Variants in CDK11B observed in about 807,000 individuals in gnomAD.
CDK11B encodes the protein cyclin-dependent kinase 11B.
Under a neutral mutation model 84.0 loss-of-function variants are expected in CDK11B, and 37 were observed. That is an observed-to-expected ratio of 0.44 (90% CI 0.34 to 0.58). The LOEUF (loss-of-function observed/expected upper bound fraction) is 0.58, where lower values mean the gene tolerates loss of function less well. CDK11B is among the 20% of genes least tolerant of loss of function. The pLI is 0.02. For synonymous variants in CDK11B, 269 were observed against 309.8 expected (o/e 0.87, Z 1.38); for missense variants, 427 against 834.0 (o/e 0.51, Z 6.01).
intron 5 of CDK11B, among the ~76,000 whole-genome samples, chr1:1,648,979 TCA>T (rs1226511990): frequency 6.6e-6 from 1 of 152,066 alleles, no homozygotes; most frequent in Non-Finnish European, 1.5e-5. Flanking sequence ...CTCAATCAAA[TCA>T]CACCCGTTCT....
intron 3 of CDK11B, chr1:1,654,012 G>GCAACAA (rs140962435): frequency 2.5e-6 from 1 of 398,802 alleles, no homozygotes; most frequent in Non-Finnish European, 5.0e-6. Context: ...CTGTGTCAAA[G>GCAACAA]CAACAACAAC....
At chr1:1,650,040 G>C (rs1465257271) in intron 4 of CDK11B, among the ~76,000 whole-genome samples, 1 of 150,466 alleles carries the variant, frequency 6.6e-6, no homozygotes, top group Admixed American at 6.6e-5. Context: ...CTGGGAGGCC[G>C]AGGTGGGCGG....
At chr1:1,640,059 G>A (rs562988985) in intron 11 of CDK11B, among the ~76,000 whole-genome samples, 5 of 151,824 alleles carry the variant, frequency 3.3e-5, no homozygotes, top group African/African-American at 7.2e-5. Flanking sequence ...GCAGTCCTGC[G>A]GGCAGCTCCC....
chr1:1,636,515 A>C (rs777696763), intron 17 of CDK11B, 34 bp from the exon 18 acceptor site: 7 of 1,599,144 alleles, frequency 4.4e-6, no homozygotes, highest in East Asian at 2.3e-5. Flanking sequence ...AGCCACACCA[A>C]GTGGCCCACA....
In CDK11B at chr1:1,640,462, T is replaced by G. The variant is rs1279417832; in HGVS notation, c.1076-10A>C. On this transcript the variant is annotated splice_polypyrimidine_tract_variant and intron_variant, in intron 10 of 19. Transcript: ENST00000341832. ...AACCGTGACTCTGGAACTGGAAAAG[T>G]TGAACCTAATTACGAAGCTAGGAGT... The G allele has an allele frequency of 6.2e-7, 1 of 1,613,650 alleles. No homozygotes were observed. The highest frequency in any genetic ancestry group is 1.3e-5 in the African/African-American group (1 of 74,944).
chr1:1,641,007 G>A (rs754408057), intron 10 of CDK11B, 41 bp downstream of exon 10: 45 of 1,586,608 alleles, frequency 2.8e-5, no homozygotes, highest in Non-Finnish European at 3.7e-5. Flanking sequence ...TGCACTCGGA[G>A]ACAGACAAGG....
Position 1,635,666 on chromosome 1 carries a change from T to A in CDK11B, c.*98A>T, listed in dbSNP as rs1262039917. 5.3e-4 allele frequency: 164 copies of A among 309,464 alleles called. 16 individuals carry two copies. The East Asian group carries it at 0.012, about 22-fold the overall frequency. The allele number at this position is 309,464 out of a possible 1,614,324, so 19.2% of individuals were successfully genotyped here. ...CAAAAACAAAACATGGAGCACAAAG[T>A]AAGACGAGGAGTTCCGAGTCTCATC... On this transcript the variant is annotated 3_prime_UTR_variant, in exon 20 of 20. Coordinates refer to ENST00000341832, the MANE Select transcript of CDK11B (RefSeq NM_033486.3).
At position 1,640,569 on chromosome 1, in the gene CDK11B, G is replaced by A; in HGVS notation, c.1076-117C>T. On this transcript the variant is annotated intron_variant, in intron 10 of 19. Transcript: ENST00000341832. ...GCCCCGTGTCCCGCTGGGAGGTGCT[G>A]GCGCTGGGCTCTCGTCCCCTGGACA... 6 of 1,250,442 alleles carry A rather than the reference G, an allele frequency of 4.8e-6. No individual in the cohort carries two copies. In the South Asian group the frequency reaches 6.9e-5, roughly 14 times the overall value. 77.5% of individuals were successfully genotyped at this position (1,250,442 alleles called of 1,614,324 possible). A position where few individuals can be genotyped will look rare whatever the true frequency, so the allele number is the denominator to read the frequency against.
intron 9 of CDK11B, 108 bp from the exon 10 acceptor site, chr1:1,641,221 T>C: frequency 1.3e-6 from 2 of 1,562,048 alleles, no homozygotes; most frequent in East Asian, 4.5e-5. Flanking sequence ...CAAGAATGGA[T>C]ATGCAGGCCG....
chr1:1,647,859 G>T (rs61774951), intron 5 of CDK11B, among the ~76,000 whole-genome samples: 2 of 138,718 alleles, frequency 1.4e-5, no homozygotes, highest in Non-Finnish European at 3.3e-5. Context: ...CCCTTCCAAG[G>T]CAGCAAGGAA....
rs1338191443 is a variant in CDK11B, at chr1:1,649,999, C to T, written c.356-362G>A. On this transcript the variant is annotated intron_variant, in intron 4 of 19. Coordinates refer to ENST00000341832, the MANE Select transcript of CDK11B (RefSeq NM_033486.3). ...ACGTGAAACTGAAATTAAGACCGGGCGCGGTGGCTCACGCCTGTAATTCCA... is the reference window on the plus strand; with the variant it reads ...ACGTGAAACTGAAATTAAGACCGGGTGCGGTGGCTCACGCCTGTAATTCCA... Among the ~76,000 whole-genome samples, 101 of 147,626 alleles carry T rather than the reference C, an allele frequency of 6.8e-4. 1 individual carries two copies. In the South Asian group the frequency reaches 0.014, roughly 21 times the overall value.
intron 3 of CDK11B, among the ~76,000 whole-genome samples, chr1:1,653,862 A>ACACACC (rs1491423617): frequency 2.6e-4 from 38 of 143,610 alleles, no homozygotes; most frequent in South Asian, 8.7e-4. Flanking sequence ...ACACACACAC[A>ACACACC]CCCGAGCGTG....
chr1:1,636,613 C>A (rs548852974), intron 17 of CDK11B, 69 bp downstream of exon 17: 2 of 1,601,438 alleles, frequency 1.2e-6, no homozygotes, highest in African/African-American at 2.7e-5. Context: ...AGCACCTGTG[C>A]GCCCCGCAGC....
chr1:1,636,630 C>T (rs1401619942), intron 17 of CDK11B, 52 bp downstream of exon 17: 1 of 1,611,094 alleles, frequency 6.2e-7, no homozygotes, highest in Non-Finnish European at 8.5e-7. Context: ...CAGCCCCATT[C>T]CTGCAACTCC....
Position 1,652,563 on chromosome 1 carries a change from T to G in CDK11B, c.231A>C (p.Gly77=). 1 of 1,459,456 alleles carries G rather than the reference T, an allele frequency of 6.9e-7. No homozygotes were observed. The highest frequency in any genetic ancestry group is 9.0e-7 in the Non-Finnish European group (1 of 1,111,362). 90.4% of individuals were successfully genotyped at this position (1,459,456 alleles called of 1,614,324 possible). A position where few individuals can be genotyped will look rare whatever the true frequency, so the allele number is the denominator to read the frequency against. ...TGATGGCCAAAGAATCATCTTCTTC[T>G]CCTCTGAAATAAAACACAACAGCAC... The part of the protein sequence containing the change: ...YRREDSMEDR[G]EEDDSLAIKP... Residue 77 remains glycine, a synonymous_variant, in exon 4 of 20, where the codon GGA becomes GGC. Coordinates refer to ENST00000341832, the MANE Select transcript of CDK11B (RefSeq NM_033486.3).
chr1:1,657,599 A>G (rs1642924820), intron 1 of CDK11B, 101 bp from the exon 2 acceptor site: 1 of 916,398 alleles, frequency 1.1e-6, no homozygotes, highest in East Asian at 2.7e-5. Flanking sequence ...ATAAATCCTC[A>G]TTAAGAATAA....
intron 5 of CDK11B, among the ~76,000 whole-genome samples, chr1:1,649,182 C>G (rs1277796482): frequency 7.2e-5 from 11 of 152,152 alleles, no homozygotes; most frequent in African/African-American, 2.2e-4. Context: ...TCAATGCAAG[C>G]TCCACCTTCC....
chr1:1,635,288 G>A lies in CDK11B; in HGVS notation c.*476C>T, dbSNP rs1473962774. On this transcript the variant is annotated 3_prime_UTR_variant, in exon 20 of 20. Coordinates refer to ENST00000341832, the MANE Select transcript of CDK11B (RefSeq NM_033486.3). Reference sequence around the variant, plus strand: ...ACAACCTTGTATAAAAACCTGTCGAGTCTGCTGGCACAGCTGGGGCTGGGG... The same window carrying A: ...ACAACCTTGTATAAAAACCTGTCGAATCTGCTGGCACAGCTGGGGCTGGGG... 1 of 67,120 alleles carries A rather than the reference G, an allele frequency of 1.5e-5. No individual in the cohort carries two copies. Among genetic ancestry groups the A allele is most frequent in the Non-Finnish European group, 2.7e-5 (1 of 36,676 alleles). The allele number at this position is 67,120 out of a possible 1,614,324, so 4.2% of individuals were successfully genotyped here.
At chr1:1,636,263 G>A (rs1338912888) in intron 18 of CDK11B, 70 bp downstream of exon 18, 4 of 1,444,312 alleles carry the variant, frequency 2.8e-6, no homozygotes, top group East Asian at 2.5e-5. Flanking sequence ...TGAGCCAGCA[G>A]GTAGGCCTGG....
Sources: gnomAD v4.1 joint callset for allele counts (sites outside exome capture counted in the v4.1 genomes callset) on GRCh38, gnomAD v4.1.1 for gene constraint, MANE v1.5 for transcripts, NCBI Gene and HGNC (gene_info 2026-07-23, HGNC 2026-07-21) for gene names.